CASS4: variants seen among roughly 807,000 people sequenced by gnomAD.
The protein encoded by CASS4 is Cas scaffold protein family member 4.
A neutral mutation model predicts 54.2 loss-of-function variants in CASS4; 22 were observed. That is an observed-to-expected ratio of 0.41 (90% CI 0.29 to 0.58). CASS4 has a LOEUF of 0.58. CASS4 is among the 20% of genes least tolerant of loss of function. CASS4 has a pLI of 0.36. For synonymous variants in CASS4, 409 were observed against 391.5 expected (o/e 1.04, Z -0.53); for missense variants, 854 against 986.7 (o/e 0.87, Z 1.80).
At chr20:56,426,897 GGTTA>G (rs1315109170) in intron 1 of CASS4, among the ~76,000 whole-genome samples, 1 of 152,072 alleles carries the variant, frequency 6.6e-6, no homozygotes, top group African/African-American at 2.4e-5. Context: ...CCCCTTATTT[GGTTA>G]GTTATAGGAA....
intron 1 of CASS4, among the ~76,000 whole-genome samples, chr20:56,431,981 A>C (rs1392814320): frequency 6.6e-6 from 1 of 152,234 alleles, no homozygotes; most frequent in Admixed American, 6.5e-5. Context: ...CTCTCATGCA[A>C]ATATAAAATG....
intron 1 of CASS4, among the ~76,000 whole-genome samples, chr20:56,429,733 A>G (rs974395301): frequency 1.3e-5 from 2 of 151,928 alleles, no homozygotes; most frequent in African/African-American, 2.4e-5. Flanking sequence ...CTAACTCCTT[A>G]TCTAACTCCT....
chr20:56,432,145 T>C (rs945706119), intron 1 of CASS4, among the ~76,000 whole-genome samples: 1 of 152,132 alleles, frequency 6.6e-6, no homozygotes, highest in African/African-American at 2.4e-5. Context: ...GTATAGGCAA[T>C]TTAATTAAGG....
chr20:56,414,990 T>G lies in CASS4; in HGVS notation c.36+2496T>G, dbSNP rs1979061144. On this transcript the variant is annotated intron_variant, in intron 1 of 5. Transcript: ENST00000679887. This position sits in a 1 kb window ranked among gnomAD's most constrained non-coding sequence, Gnocchi z 4.1. ...CAACATCCTCATGAAGCAGAGGTAT[T>G]ATTCCCCTGTCACAGACGAGGAAAC... Among the ~76,000 whole-genome samples, 1 of 152,140 alleles carries G rather than the reference T, an allele frequency of 6.6e-6. No individual in the cohort carries two copies. The highest frequency in any genetic ancestry group is 1.5e-5 in the Non-Finnish European group (1 of 68,026).
intron 1 of CASS4, among the ~76,000 whole-genome samples, chr20:56,421,921 C>T (rs1189282037): frequency 6.6e-6 from 1 of 152,154 alleles, no homozygotes; most frequent in Non-Finnish European, 1.5e-5. Context: ...CCTCAGATGG[C>T]TTTCATGAAC....
intron 1 of CASS4, among the ~76,000 whole-genome samples, chr20:56,417,900 T>G (rs553839654): frequency 1.3e-5 from 2 of 152,324 alleles, no homozygotes; most frequent in Non-Finnish European, 2.9e-5. Context: ...CTGTTGCTAT[T>G]GAAATCAAGG....
chr20:56,457,312 G>A (rs1981346260), intron 5 of CASS4, among the ~76,000 whole-genome samples: 1 of 152,198 alleles, frequency 6.6e-6, no homozygotes, highest in Admixed American at 6.5e-5. Flanking sequence ...TAGAGCTCCA[G>A]ATCTCTCATG....
At chr20:56,458,314 T>C (rs1434094652) in intron 5 of CASS4, 26 bp from the exon 6 acceptor site, 1 of 1,584,928 alleles carries the variant, frequency 6.3e-7, no homozygotes. Flanking sequence ...GAATCTCCTA[T>C]CTATTTTCTT....
intron 4 of CASS4, 65 bp downstream of exon 4, chr20:56,450,744 T>G: frequency 6.7e-7 from 1 of 1,499,958 alleles, no homozygotes; most frequent in Non-Finnish European, 9.2e-7. Context: ...GAAATGTTAT[T>G]AGCTTGGGGC....
intron 5 of CASS4, among the ~76,000 whole-genome samples, chr20:56,457,063 A>C (rs1981335109): frequency 1.3e-5 from 2 of 152,202 alleles, no homozygotes. Context: ...TTCTATGACA[A>C]AGACAATCAT....
At position 56,451,857 on chromosome 20, in the gene CASS4, A is replaced by G; in HGVS notation, c.681A>G (p.Arg227=). Residue 227 remains arginine (R), a synonymous_variant, in exon 5 of 6, where the codon AGA becomes AGG. Transcript: ENST00000679887. ...GVPLISVTTL[R]RGGYSTLPNP... ...CCCTGATATCAGTGACTACCTTAAGAAGAGGCGGTTACAGCACATTACCAA... is the reference window on the plus strand; with the variant it reads ...CCCTGATATCAGTGACTACCTTAAGGAGAGGCGGTTACAGCACATTACCAA... 2 of 1,611,264 alleles carry G rather than the reference A, an allele frequency of 1.2e-6. No homozygotes were observed. Among genetic ancestry groups the G allele is most frequent in the Non-Finnish European group, 1.7e-6 (2 of 1,177,728 alleles).
intron 4 of CASS4, among the ~76,000 whole-genome samples, chr20:56,451,020 TAA>T (rs113539482): frequency 0.24 from 33,085 of 140,462 alleles, 3,929 homozygotes; most frequent in East Asian, 0.52. Context: ...ATACAAAAAT[TAA>T]AAAAAAAAAA....
chr20:56,459,117 C>A lies in CASS4; in HGVS notation c.*370C>A, dbSNP rs1015272727. 1.7e-5 allele frequency: 3 copies of A among 180,096 alleles called. No individual in the cohort carries two copies. The highest frequency in any genetic ancestry group is 7.0e-5 in the African/African-American group (3 of 42,630). The allele number at this position is 180,096 out of a possible 1,614,324, so 11.2% of individuals were successfully genotyped here. ...ACAGGCTGGAGTGCAGTGGCGCGAT[C>A]TCAGCTCACTGCAACCTCCGCCTTC... On this transcript the variant is annotated 3_prime_UTR_variant, in exon 6 of 6. Transcript: ENST00000679887.
intron 2 of CASS4, among the ~76,000 whole-genome samples, chr20:56,441,285 T>C (rs999905406): frequency 1.3e-5 from 2 of 150,750 alleles, no homozygotes; most frequent in Non-Finnish European, 3.0e-5. Flanking sequence ...TGAGCTACTG[T>C]GCCCAGCCTA....
intron 3 of CASS4, 41 bp from the exon 4 acceptor site, chr20:56,450,558 A>G: frequency 6.3e-7 from 1 of 1,578,218 alleles, no homozygotes; most frequent in Non-Finnish European, 8.7e-7. Context: ...GCCATTAGGA[A>G]AGAAACATTC....
intron 5 of CASS4, among the ~76,000 whole-genome samples, chr20:56,455,925 C>T (rs915015616): frequency 2.1e-4 from 32 of 151,772 alleles, no homozygotes; most frequent in Admixed American, 3.3e-4. Context: ...GAACAAGACT[C>T]TGTCTCAAGA....
intron 1 of CASS4, among the ~76,000 whole-genome samples, chr20:56,413,524 T>C (rs1978982893): frequency 6.6e-6 from 1 of 151,796 alleles, no homozygotes; most frequent in African/African-American, 2.4e-5. Context: ...AATACAACAA[T>C]TAGCTGAGCG....
intron 1 of CASS4, among the ~76,000 whole-genome samples, chr20:56,413,804 T>C (rs1240110602): frequency 6.6e-6 from 1 of 152,130 alleles, no homozygotes; most frequent in Non-Finnish European, 1.5e-5. Flanking sequence ...ACTACTTACT[T>C]TGAAAAATTT....
intron 1 of CASS4, among the ~76,000 whole-genome samples, chr20:56,429,748 AC>A (rs1269628685): frequency 6.6e-6 from 1 of 151,348 alleles, no homozygotes; most frequent in African/African-American, 2.4e-5. Context: ...ACTCCTCCTT[AC>A]CCCCAGATGG....
Sources: allele counts gnomAD v4.1 joint callset (sites outside exome capture counted in the v4.1 genomes callset), GRCh38; gene constraint gnomAD v4.1.1; non-coding constraint Gnocchi (gnomAD v3.1); transcripts MANE v1.5; gene names NCBI Gene and HGNC (gene_info 2026-07-23, HGNC 2026-07-21).